Variants in CEP112 observed in about 807,000 individuals in gnomAD.
The protein encoded by CEP112 is centrosomal protein 112.
In CEP112, 127 loss-of-function variants were observed where a neutral mutation model predicts 153.0. The ratio of observed to expected loss-of-function variants is 0.83; its 90% CI spans 0.72 to 0.96. The LOEUF is 0.96. Among genes scored for constraint, CEP112 ranks in the 40% least tolerant of loss-of-function variants. The pLI, the probability that CEP112 is intolerant of heterozygous loss-of-function variation, is 0.00. For missense variants in CEP112, 1,089 were observed against 1,101.2 expected, an observed-to-expected ratio of 0.99 and a Z score of 0.16; for synonymous variants, 358 against 374.4, an observed-to-expected ratio of 0.96 and a Z score of 0.51.
At chr17:65,729,139 AAG>A (rs1410919075) in intron 23 of CEP112, among the ~76,000 whole-genome samples, 1 of 152,156 alleles carries the variant, frequency 6.6e-6, no homozygotes, top group Non-Finnish European at 1.5e-5. Context: ...CTTATTCCAT[AAG>A]CTTTCTTCTA....
intron 21 of CEP112, among the ~76,000 whole-genome samples, chr17:65,838,600 A>G (rs2057405766): frequency 6.6e-6 from 1 of 152,160 alleles, no homozygotes; most frequent in Non-Finnish European, 1.5e-5. Flanking sequence ...GGAAATATAA[A>G]AGGTAGAACA....
rs1485734482 is a variant in CEP112, at chr17:65,927,565, C to G, written c.1980+17G>C. The G allele has an allele frequency of 7.0e-7, 1 of 1,434,108 alleles. No homozygotes were observed. Among genetic ancestry groups the G allele is most frequent in the African/African-American group, 1.4e-5 (1 of 69,524 alleles). 88.8% of individuals were successfully genotyped at this position (1,434,108 alleles called of 1,614,324 possible). On this transcript the variant is annotated intron_variant, in intron 19 of 26. Transcript: ENST00000535342. ...TATTTTAAAAATTTAATGGCAGCAT[C>G]AAAATGAAAGACCAACCTGTTGTTC... is the stretch of plus-strand genomic sequence containing the variant.
intron 19 of CEP112, among the ~76,000 whole-genome samples, chr17:65,921,435 G>GA (rs138875908): frequency 0.039 from 5,706 of 145,932 alleles, 318 homozygotes; most frequent in African/African-American, 0.12. Context: ...ATATTCTGCT[G>GA]AAAAAAAAAA....
At chr17:66,161,763 G>A (rs541629392) in intron 4 of CEP112, among the ~76,000 whole-genome samples, 4 of 151,986 alleles carry the variant, frequency 2.6e-5, no homozygotes, top group Admixed American at 6.6e-5. Flanking sequence ...GCAAACCACC[G>A]TGGCATGTGT....
intron 24 of CEP112, among the ~76,000 whole-genome samples, chr17:65,656,130 T>C (rs12451596): frequency 0.32 from 48,433 of 152,000 alleles, 7,954 homozygotes; most frequent in Middle Eastern, 0.5. Context: ...GCCATAACTA[T>C]TGAGGGCCTG....
chr17:65,651,996 C>T (rs1478730541), intron 24 of CEP112, among the ~76,000 whole-genome samples: 1 of 152,224 alleles, frequency 6.6e-6, no homozygotes, highest in African/African-American at 2.4e-5. Flanking sequence ...AGCCACTGCG[C>T]CCAGCTGATT....
intron 24 of CEP112, among the ~76,000 whole-genome samples, chr17:65,643,338 C>T (rs769877567): frequency 1.3e-5 from 2 of 152,106 alleles, no homozygotes; most frequent in Non-Finnish European, 1.5e-5. Context: ...CAATCTGTCG[C>T]CCAGGCTGTA....
At chr17:66,137,268 A>G (rs1215119303) in intron 4 of CEP112, among the ~76,000 whole-genome samples, 1 of 152,172 alleles carries the variant, frequency 6.6e-6, no homozygotes, top group Non-Finnish European at 1.5e-5. Flanking sequence ...ACTCAAAGAC[A>G]GGACATTTGA....
chr17:65,999,347 G>A (rs1038667616), intron 17 of CEP112, among the ~76,000 whole-genome samples: 1 of 151,722 alleles, frequency 6.6e-6, no homozygotes, highest in Non-Finnish European at 1.5e-5. Flanking sequence ...GACTATAGGC[G>A]CCTGCCACAG....
At chr17:66,012,674 G>A (rs1252426225) in intron 16 of CEP112, among the ~76,000 whole-genome samples, 2 of 151,746 alleles carry the variant, frequency 1.3e-5, no homozygotes, top group African/African-American at 2.4e-5. Context: ...TTTTTATTTC[G>A]ACCTTGGAGA....
chr17:66,166,426 G>C (rs766565436), intron 4 of CEP112, among the ~76,000 whole-genome samples: 1 of 152,008 alleles, frequency 6.6e-6, no homozygotes, highest in Non-Finnish European at 1.5e-5. Context: ...CTGCACTTTG[G>C]TGATAAGCTA....
intron 19 of CEP112, among the ~76,000 whole-genome samples, chr17:65,915,787 C>CAAAAAAAA (rs755351021): frequency 2.5e-4 from 14 of 56,544 alleles, no homozygotes; most frequent in Admixed American, 3.8e-4. Context: ...GACTCAAACT[C>CAAAAAAAA]AAAAAAAAAA....
At chr17:66,027,147 C>T (rs930978411) in intron 16 of CEP112, among the ~76,000 whole-genome samples, 2 of 152,140 alleles carry the variant, frequency 1.3e-5, no homozygotes, top group Admixed American at 1.3e-4. Flanking sequence ...GAGGCCGAGA[C>T]GGGCGGATCA....
chr17:66,153,468 C>CAAAA (rs11303537), intron 4 of CEP112, among the ~76,000 whole-genome samples: 1 of 123,688 alleles, frequency 8.1e-6, no homozygotes, highest in Non-Finnish European at 1.7e-5. Flanking sequence ...TAGAAAAGGC[C>CAAAA]AAAAAAAAAA....
intron 12 of CEP112, among the ~76,000 whole-genome samples, chr17:66,030,580 T>G (rs1288395006): frequency 6.6e-6 from 1 of 152,164 alleles, no homozygotes; most frequent in Non-Finnish European, 1.5e-5. Flanking sequence ...ATTCATTTTT[T>G]AACATCTTTG....
intron 4 of CEP112, among the ~76,000 whole-genome samples, chr17:66,145,921 A>G (rs1353079022): frequency 4.6e-5 from 7 of 152,046 alleles, no homozygotes; most frequent in African/African-American, 1.7e-4. Flanking sequence ...TGATTACATT[A>G]TATTTCTAAA....
intron 20 of CEP112, among the ~76,000 whole-genome samples, chr17:65,890,219 A>T (rs1160573842): frequency 6.6e-6 from 1 of 152,170 alleles, no homozygotes; most frequent in African/African-American, 2.4e-5. Context: ...TGGAATATTA[A>T]AGTGGAGGAA....
At chr17:66,053,983 A>G in intron 11 of CEP112, 104 bp from the exon 12 acceptor site, 1 of 790,518 alleles carries the variant, frequency 1.3e-6, no homozygotes, top group East Asian at 2.8e-5. Flanking sequence ...TATATATATG[A>G]TGACCTGAAC....
At chr17:66,068,100 T>C (rs1374995067) in intron 9 of CEP112, among the ~76,000 whole-genome samples, 3 of 152,174 alleles carry the variant, frequency 2.0e-5, no homozygotes, top group South Asian at 2.1e-4. Flanking sequence ...AATGTAATCA[T>C]TTAATAAAAT....
Sources: allele counts gnomAD v4.1 joint callset (sites outside exome capture counted in the v4.1 genomes callset), GRCh38; gene constraint gnomAD v4.1.1; transcripts MANE v1.5; gene names NCBI Gene and HGNC (gene_info 2026-07-23, HGNC 2026-07-21).